TMEM120B: variants seen among roughly 807,000 people sequenced by gnomAD.
TMEM120B encodes transmembrane protein 120B.
Under a neutral mutation model 55.5 loss-of-function variants are expected in TMEM120B, and 31 were observed. That is an observed-to-expected ratio of 0.56 (90% CI 0.42 to 0.75). The LOEUF (loss-of-function observed/expected upper bound fraction) is 0.75, where lower values mean the gene tolerates loss of function less well. TMEM120B is among the 30% of genes least tolerant of loss of function. The probability of loss-of-function intolerance (pLI) is 0.00; values close to 1 mark genes in which losing one functional copy is unlikely to be tolerated. For synonymous variants in TMEM120B, 203 were observed against 176.3 expected (o/e 1.15, Z -1.20); for missense variants, 399 against 425.5 (o/e 0.94, Z 0.55).
intron 5 of TMEM120B, chr12:121,758,594 G>A (rs1873558763): frequency 1.0e-6 from 1 of 982,708 alleles, no homozygotes. Context: ...TGGTCACCAT[G>A]GAGGAGGACG....
chr12:121,769,848 G>A (rs1231801539), intron 6 of TMEM120B, among the ~76,000 whole-genome samples: 1 of 152,136 alleles, frequency 6.6e-6, no homozygotes, highest in Non-Finnish European at 1.5e-5. Flanking sequence ...AGGTGACATA[G>A]GGGTGGGAGA....
In TMEM120B at chr12:121,775,140, G is replaced by T; in HGVS notation, c.906+10G>T. 3 of 1,604,278 alleles carry T rather than the reference G, an allele frequency of 1.9e-6. No individual in the cohort carries two copies. The highest frequency in any genetic ancestry group is 1.7e-5 in the Admixed American group (1 of 59,572). ...ATGCAGAGAATGGCAGGTATGGGGG[G>T]TGGGGGCATGCTCGGGGGAGGTTCC... is the stretch of plus-strand genomic sequence containing the variant. On this transcript the variant is annotated intron_variant, in intron 11 of 11. Transcript: ENST00000449592. This position sits in a 1 kb window ranked among gnomAD's most constrained non-coding sequence, Gnocchi z 4.3.
At chr12:121,728,461 C>T (rs1470042863) in intron 1 of TMEM120B, among the ~76,000 whole-genome samples, 1 of 151,404 alleles carries the variant, frequency 6.6e-6, no homozygotes, top group African/African-American at 2.4e-5. Flanking sequence ...TGTACTCCAG[C>T]CTGGGCGACA....
chr12:121,734,427 T>TG, intron 1 of TMEM120B, among the ~76,000 whole-genome samples: 1 of 151,692 alleles, frequency 6.6e-6, no homozygotes, highest in African/African-American at 2.4e-5. Context: ...CCTGGCTAAT[T>TG]TTGTACTTTT....
intron 2 of TMEM120B, among the ~76,000 whole-genome samples, chr12:121,746,312 C>T (rs148704427): frequency 0.087 from 13,198 of 151,844 alleles, 1,040 homozygotes; most frequent in African/African-American, 0.21. Flanking sequence ...CTCAGCCTCC[C>T]GAGTAGCTGG....
chr12:121,740,549 A>G (rs1295164100), intron 1 of TMEM120B, among the ~76,000 whole-genome samples: 1 of 151,930 alleles, frequency 6.6e-6, no homozygotes, highest in Non-Finnish European at 1.5e-5. Context: ...AGGAAGAGAA[A>G]ATATATTTAC....
At chr12:121,758,847 C>T (rs1873572923) in intron 5 of TMEM120B, 1 of 979,344 alleles carries the variant, frequency 1.0e-6, no homozygotes, top group African/African-American at 1.8e-5. Context: ...ACGTTGTGGT[C>T]ACCATAGAGG....
chr12:121,758,871 C>T, intron 5 of TMEM120B: 1 of 970,552 alleles, frequency 1.0e-6, no homozygotes, highest in Non-Finnish European at 1.2e-6. Flanking sequence ...ACGGCCCAGC[C>T]CCGTGCTGTG....
At chr12:121,774,131 T>C (rs1874159070) in intron 9 of TMEM120B, among the ~76,000 whole-genome samples, 1 of 152,098 alleles carries the variant, frequency 6.6e-6, no homozygotes, top group African/African-American at 2.4e-5. Flanking sequence ...AATTTTTGTA[T>C]TTTTAGTAGA....
chr12:121,748,383 C>A lies in TMEM120B; in HGVS notation c.246C>A (p.Asn82Lys), dbSNP rs758093650. The change falls in exon 3 of 12, where the codon AAC (asparagine) becomes AAA (lysine). Residue 82 changes from asparagine to lysine, a missense_variant. Coordinates refer to ENST00000449592, the MANE Select transcript of TMEM120B (RefSeq NM_001080825.2). ...AGCTCGTTCAGCAGATGGCAGCGAA[C>A]ATCAAGGAGCGGCAGGACGTCTTCT... ...EAELVQQMAA[N>K]IKERQDVFFD... 42 of 1,610,936 alleles carry A rather than the reference C, an allele frequency of 2.6e-5. No individual in the cohort carries two copies. The East Asian group carries it at 8.9e-4, about 34-fold the overall frequency.
chr12:121,728,845 C>T lies in TMEM120B; in HGVS notation c.70-14784C>T, dbSNP rs538481375. On this transcript the variant is annotated intron_variant, in intron 1 of 11. Coordinates refer to ENST00000449592, the MANE Select transcript of TMEM120B (RefSeq NM_001080825.2). Reference sequence around the variant, plus strand: ...TCAGGCTGGGTCCTCCAGAGACTGGCAAGACAGCCCTATGAGCTCTGGGTC... The same window carrying T: ...TCAGGCTGGGTCCTCCAGAGACTGGTAAGACAGCCCTATGAGCTCTGGGTC... 2.5e-3 allele frequency among the ~76,000 whole-genome samples: 375 copies of T among 152,330 alleles called. 1 individual carries two copies. Among genetic ancestry groups the T allele is most frequent in the African/African-American group, 8.4e-3 (351 of 41,580 alleles).
intron 10 of TMEM120B, 29 bp downstream of exon 10, chr12:121,774,751 T>C (rs1417487658): frequency 6.2e-7 from 1 of 1,611,408 alleles, no homozygotes; most frequent in African/African-American, 1.3e-5. Context: ...TGTGGGTATC[T>C]CCTGTCTGGG....
rs1873238366 is a variant in TMEM120B, at chr12:121,750,407, T to C, written c.333T>C (p.Asn111=). Residue 111 remains asparagine, a synonymous_variant, in exon 4 of 12, where the codon AAT becomes AAC. Coordinates refer to ENST00000449592, the MANE Select transcript of TMEM120B (RefSeq NM_001080825.2). ...TCTACTTGAACCTGGTCCTCGGCAATGTGAACGTGACCCTCCTCAGCAACC... is the reference window on the plus strand; with the variant it reads ...TCTACTTGAACCTGGTCCTCGGCAACGTGAACGTGACCCTCCTCAGCAACC... ...NGLYLNLVLG[N]VNVTLLSNQA... 1 of 1,612,470 alleles carries C rather than the reference T, an allele frequency of 6.2e-7. No homozygotes were observed. The highest frequency in any genetic ancestry group is 8.5e-7 in the Non-Finnish European group (1 of 1,179,192).
At chr12:121,766,410 G>T (rs960816526) in intron 6 of TMEM120B, among the ~76,000 whole-genome samples, 2 of 152,192 alleles carry the variant, frequency 1.3e-5, no homozygotes, top group African/African-American at 4.8e-5. Context: ...AGGAGGTCAG[G>T]AGGGCTCAGG....
intron 1 of TMEM120B, among the ~76,000 whole-genome samples, chr12:121,722,950 G>A (rs1894823495): frequency 1.3e-5 from 2 of 150,488 alleles, no homozygotes; most frequent in Admixed American, 1.3e-4. Flanking sequence ...CCGGGTTCAA[G>A]CAATTCTCTT....
intron 1 of TMEM120B, among the ~76,000 whole-genome samples, chr12:121,743,176 T>C (rs1270812117): frequency 1.3e-5 from 2 of 152,054 alleles, no homozygotes; most frequent in Non-Finnish European, 2.9e-5. Flanking sequence ...GAAAGGGGTA[T>C]GTGCTTTTCT....
intron 6 of TMEM120B, among the ~76,000 whole-genome samples, chr12:121,767,699 G>C (rs56959328): frequency 0.074 from 11,202 of 152,230 alleles, 570 homozygotes; most frequent in African/African-American, 0.13. Context: ...CCAGCCCAGA[G>C]CCCCGGGGTG....
intron 1 of TMEM120B, among the ~76,000 whole-genome samples, chr12:121,722,399 C>A (rs1376890970): frequency 6.6e-6 from 1 of 152,124 alleles, no homozygotes; most frequent in Non-Finnish European, 1.5e-5. Flanking sequence ...GCCCGGCCTC[C>A]ATTCTACATT....
intron 1 of TMEM120B, among the ~76,000 whole-genome samples, chr12:121,728,019 T>C (rs1026067407): frequency 2.6e-4 from 39 of 151,938 alleles, no homozygotes; most frequent in African/African-American, 9.2e-4. Flanking sequence ...CTTTTCTTTT[T>C]CCCCCTAAGA....
Sources: gnomAD v4.1 joint callset for allele counts (sites outside exome capture counted in the v4.1 genomes callset) on GRCh38, gnomAD v4.1.1 for gene constraint, Gnocchi (gnomAD v3.1) non-coding constraint, MANE v1.5 for transcripts, NCBI Gene and HGNC (gene_info 2026-07-23, HGNC 2026-07-21) for gene names.